Variants in LIN52 observed in about 807,000 individuals in gnomAD.
LIN52 encodes the protein lin-52 DREAM MuvB core complex component, also known as protein lin-52 homolog.
A neutral mutation model predicts 18.5 loss-of-function variants in LIN52; 4 were observed. That is an observed-to-expected ratio of 0.22 (90% CI 0.11 to 0.49). The LOEUF is 0.49. Ranked by LOEUF, LIN52 falls within the 20% of genes least tolerant of loss-of-function variation. The pLI, the probability that LIN52 is intolerant of heterozygous loss-of-function variation, is 0.97. For synonymous variants in LIN52, 34 were observed against 45.5 expected, an observed-to-expected ratio of 0.75 and a Z score of 1.02; for missense variants, 102 against 139.5, an observed-to-expected ratio of 0.73 and a Z score of 1.35.
At chr14:74,130,277 G>GGTTT (rs1555382569) in intron 5 of LIN52, among the ~76,000 whole-genome samples, 18 of 46,386 alleles carry the variant, frequency 3.9e-4, no homozygotes, top group African/African-American at 1.1e-3. Flanking sequence ...GGCATTTTTT[G>GGTTT]GTTTTTTTTT....
At chr14:74,128,642 T>C (rs1441741831) in intron 5 of LIN52, among the ~76,000 whole-genome samples, 1 of 152,178 alleles carries the variant, frequency 6.6e-6, no homozygotes, top group East Asian at 1.9e-4. Flanking sequence ...AGTAAAGCTT[T>C]TTACTAAAGA....
chr14:74,189,021 T>C (rs1400348294), intron 5 of LIN52, among the ~76,000 whole-genome samples: 2 of 152,186 alleles, frequency 1.3e-5, no homozygotes, highest in African/African-American at 4.8e-5. Context: ...TGTCTGAATA[T>C]GCAGGTCATT....
At chr14:74,190,597 G>C (rs533527980) in intron 5 of LIN52, among the ~76,000 whole-genome samples, 1 of 151,934 alleles carries the variant, frequency 6.6e-6, no homozygotes, top group African/African-American at 2.4e-5. Flanking sequence ...CCACCATGCT[G>C]CCCAGGCTGG....
intron 5 of LIN52, among the ~76,000 whole-genome samples, chr14:74,179,799 GATAAA>G (rs772310474): frequency 2.0e-5 from 3 of 151,980 alleles, no homozygotes; most frequent in Non-Finnish European, 4.4e-5. Context: ...TTATAATTTT[GATAAA>G]ATAAAAGCCT....
chr14:74,109,163 A>G (rs1320474626), intron 5 of LIN52, among the ~76,000 whole-genome samples: 2 of 152,094 alleles, frequency 1.3e-5, no homozygotes, highest in Non-Finnish European at 2.9e-5. Context: ...TCCTTTTTCT[A>G]TTGAATTGTC....
intron 5 of LIN52, among the ~76,000 whole-genome samples, chr14:74,141,812 C>T (rs1015055834): frequency 1.3e-5 from 2 of 152,192 alleles, no homozygotes; most frequent in African/African-American, 4.8e-5. Flanking sequence ...CACTGACTGG[C>T]GGCTTCCTCT....
chr14:74,144,541 T>C (rs988587745), intron 5 of LIN52, among the ~76,000 whole-genome samples: 3 of 152,224 alleles, frequency 2.0e-5, no homozygotes, highest in African/African-American at 7.2e-5. Flanking sequence ...TTAGCAAATG[T>C]AACTCTAACA....
chr14:74,152,262 CAAA>C (rs33967967), intron 5 of LIN52, among the ~76,000 whole-genome samples: 1 of 130,494 alleles, frequency 7.7e-6, no homozygotes. Flanking sequence ...ACCTCCATCT[CAAA>C]AAAAAAAAAA....
intron 5 of LIN52, among the ~76,000 whole-genome samples, chr14:74,116,419 A>G (rs1395642751): frequency 1.3e-5 from 2 of 152,188 alleles, no homozygotes; most frequent in African/African-American, 4.8e-5. Flanking sequence ...AAAAAACATT[A>G]AAGGGGCTGG....
At chr14:74,147,147 A>ACTTGGAAGGCTAAGGCAGGAGAATCG (rs2139551347) in intron 5 of LIN52, among the ~76,000 whole-genome samples, 1 of 152,302 alleles carries the variant, frequency 6.6e-6, no homozygotes, top group Non-Finnish European at 1.5e-5. Context: ...AATCCCAGCT[A>ACTTGGAAGGCTAAGGCAGGAGAATCG]CTTGGAAGGC....
intron 5 of LIN52, among the ~76,000 whole-genome samples, chr14:74,141,000 A>G (rs1020512460): frequency 6.6e-6 from 1 of 152,224 alleles, no homozygotes; most frequent in African/African-American, 2.4e-5. Context: ...GATGTTAACT[A>G]CAAAAGGAAC....
At chr14:74,133,029 C>A (rs1416777860) in intron 5 of LIN52, among the ~76,000 whole-genome samples, 1 of 151,732 alleles carries the variant, frequency 6.6e-6, no homozygotes, top group East Asian at 1.9e-4. Flanking sequence ...AAAAAAACAA[C>A]CCATTTCTTG....
intron 5 of LIN52, among the ~76,000 whole-genome samples, chr14:74,145,413 C>T (rs1363596854): frequency 6.6e-6 from 1 of 152,208 alleles, no homozygotes; most frequent in Admixed American, 6.5e-5. Flanking sequence ...TATACACTGC[C>T]TTCTTCCTTA....
chr14:74,157,465 T>TTA (rs1555383736), intron 5 of LIN52, among the ~76,000 whole-genome samples: 22 of 144,490 alleles, frequency 1.5e-4, no homozygotes, highest in Admixed American at 2.8e-4. Context: ...ATATATTTTT[T>TTA]AATTAATTTA....
intron 5 of LIN52, among the ~76,000 whole-genome samples, chr14:74,169,585 T>C (rs2061262601): frequency 6.6e-6 from 1 of 152,246 alleles, no homozygotes; most frequent in Non-Finnish European, 1.5e-5. Flanking sequence ...TCTCTACTTC[T>C]CTTAATTTAT....
chr14:74,145,768 TG>T (rs779929653), intron 5 of LIN52, among the ~76,000 whole-genome samples: 1 of 152,204 alleles, frequency 6.6e-6, no homozygotes, highest in Non-Finnish European at 1.5e-5. Context: ...CAAAGTGTTT[TG>T]TTTTTTTGTT....
intron 5 of LIN52, among the ~76,000 whole-genome samples, chr14:74,116,807 G>T (rs1049169628): frequency 2.7e-5 from 4 of 148,698 alleles, no homozygotes; most frequent in Non-Finnish European, 4.5e-5. Context: ...ACAAAATGCA[G>T]AACATACAAT....
At chr14:74,113,961 C>CTTTCTTTTCTTTTTTTTTTCT in intron 5 of LIN52, 1 of 168,394 alleles carries the variant, frequency 5.9e-6, no homozygotes, top group African/African-American at 2.4e-5. Flanking sequence ...TGCTATTTTT[C>CTTTCTTTTCTTTTTTTTTTCT]TTTCTTTTCT....
At chr14:74,085,094 G>T in intron 1 of LIN52, 101 bp downstream of exon 1, 1 of 1,092,886 alleles carries the variant, frequency 9.2e-7, no homozygotes. Context: ...TCTTTCTTGG[G>T]CTCTTCTCCT....
Sources: gnomAD v4.1 joint callset for allele counts (sites outside exome capture counted in the v4.1 genomes callset) on GRCh38, gnomAD v4.1.1 for gene constraint, MANE v1.5 for transcripts, NCBI Gene and HGNC (gene_info 2026-07-23, HGNC 2026-07-21) for gene names.